The following SGCZ variants were observed in gnomAD, a reference collection of about 807,000 sequenced individuals.
SGCZ encodes zeta-sarcoglycan.
SGCZ carries 40 observed loss-of-function variants against 41.3 expected under a neutral mutation model. The observed-to-expected ratio is 0.97, with a 90% CI of 0.75 to 1.26. The LOEUF is 1.26. Ranked by LOEUF, SGCZ falls within the 50% of genes most tolerant of loss-of-function variation. SGCZ has a pLI of 0.00. For missense variants in SGCZ, 552 were observed against 369.8 expected, an observed-to-expected ratio of 1.49 and a Z score of -4.04; for synonymous variants, 206 against 137.5, an observed-to-expected ratio of 1.50 and a Z score of -3.49.
At chr8:14,392,211 C>G (rs1203853251) in intron 2 of SGCZ, among the ~76,000 whole-genome samples, 1 of 152,122 alleles carries the variant, frequency 6.6e-6, no homozygotes, top group Non-Finnish European at 1.5e-5. Context: ...GTTCTCTTTA[C>G]TCACACTTCA....
At chr8:14,655,186 G>T (rs1807526849) in intron 1 of SGCZ, among the ~76,000 whole-genome samples, 1 of 152,048 alleles carries the variant, frequency 6.6e-6, no homozygotes, top group Non-Finnish European at 1.5e-5. Context: ...ACATGGGTAT[G>T]AACTGTAAGT....
chr8:14,262,262 A>T (rs1338072849), intron 3 of SGCZ, among the ~76,000 whole-genome samples: 1 of 152,164 alleles, frequency 6.6e-6, no homozygotes, highest in Non-Finnish European at 1.5e-5. Context: ...AATGCTACAA[A>T]AGTGATACAC....
chr8:14,313,149 T>TG (rs1440130860), intron 3 of SGCZ, among the ~76,000 whole-genome samples: 17 of 152,318 alleles, frequency 1.1e-4, no homozygotes, highest in African/African-American at 4.1e-4. Context: ...TATGCTAATG[T>TG]CTACTTCCTA....
chr8:14,835,217 T>C (rs557127625), intron 1 of SGCZ, among the ~76,000 whole-genome samples: 4 of 152,202 alleles, frequency 2.6e-5, no homozygotes, highest in Non-Finnish European at 5.9e-5. Context: ...CCCTCAGTGC[T>C]TGAGCATCTA....
At chr8:14,306,763 G>A (rs1801365420) in intron 3 of SGCZ, among the ~76,000 whole-genome samples, 1 of 152,046 alleles carries the variant, frequency 6.6e-6, no homozygotes, top group Non-Finnish European at 1.5e-5. Flanking sequence ...CCTCCTCCCT[G>A]ATCAAATAAA....
chr8:15,209,083 T>A (rs2117154374), intron 1 of SGCZ, among the ~76,000 whole-genome samples: 1 of 140,396 alleles, frequency 7.1e-6, no homozygotes, highest in South Asian at 2.4e-4. Flanking sequence ...TCACAGTCAC[T>A]CATAACTTTG....
chr8:14,321,409 G>A (rs1585360478), intron 3 of SGCZ, among the ~76,000 whole-genome samples: 1 of 152,052 alleles, frequency 6.6e-6, no homozygotes, highest in Non-Finnish European at 1.5e-5. Context: ...AGAGGAGCTT[G>A]TAAAGTTGGC....
chr8:14,308,551 C>T (rs1193736144), intron 3 of SGCZ, among the ~76,000 whole-genome samples: 1 of 151,692 alleles, frequency 6.6e-6, no homozygotes, highest in African/African-American at 2.4e-5. Context: ...CCCCCTTGCC[C>T]CTGGCCTTTA....
intron 4 of SGCZ, among the ~76,000 whole-genome samples, chr8:14,205,310 G>C (rs1221781532): frequency 2.0e-5 from 3 of 152,004 alleles, no homozygotes; most frequent in Non-Finnish European, 4.4e-5. Context: ...ATGTTCTCTA[G>C]GGTTTTTGTG....
intron 1 of SGCZ, among the ~76,000 whole-genome samples, chr8:14,624,034 A>G (rs1478348179): frequency 6.6e-6 from 1 of 152,160 alleles, no homozygotes; most frequent in Non-Finnish European, 1.5e-5. Context: ...AGCAGATAAA[A>G]CACACTTTTA....
At chr8:14,655,196 T>C (rs1014356112) in intron 1 of SGCZ, among the ~76,000 whole-genome samples, 2 of 152,102 alleles carry the variant, frequency 1.3e-5, no homozygotes, top group African/African-American at 4.8e-5. Context: ...GAACTGTAAG[T>C]TATTCTTACT....
At chr8:14,903,740 G>A (rs1233053079) in intron 1 of SGCZ, among the ~76,000 whole-genome samples, 1 of 152,010 alleles carries the variant, frequency 6.6e-6, no homozygotes, top group African/African-American at 2.4e-5. Context: ...GGGACAGTCA[G>A]AGTACATTAT....
intron 1 of SGCZ, among the ~76,000 whole-genome samples, chr8:15,115,086 T>A (rs1004600053): frequency 6.6e-6 from 1 of 151,896 alleles, no homozygotes; most frequent in African/African-American, 2.4e-5. Flanking sequence ...CAGAAAAAAA[T>A]AAAAATATAA....
chr8:14,289,217 G>T (rs1015976496), intron 3 of SGCZ, among the ~76,000 whole-genome samples: 3 of 65,330 alleles, frequency 4.6e-5, no homozygotes, highest in Non-Finnish European at 1.3e-4. Context: ...CACATAGTAG[G>T]ATTTTTTTTT....
chr8:15,192,634 A>C (rs1800580158), intron 1 of SGCZ, among the ~76,000 whole-genome samples: 1 of 152,094 alleles, frequency 6.6e-6, no homozygotes, highest in African/African-American at 2.4e-5. Flanking sequence ...TCAATGCCAA[A>C]CTCATCAACA....
intron 4 of SGCZ, among the ~76,000 whole-genome samples, chr8:14,167,295 TA>T: frequency 6.6e-6 from 1 of 152,288 alleles, no homozygotes; most frequent in South Asian, 2.1e-4. Flanking sequence ...AGGATTCAGT[TA>T]CTTAGAGAAG....
At chr8:14,629,766 A>C (rs1451631816) in intron 1 of SGCZ, among the ~76,000 whole-genome samples, 1 of 152,142 alleles carries the variant, frequency 6.6e-6, no homozygotes, top group Non-Finnish European at 1.5e-5. Context: ...TTATGAGCGT[A>C]ACAATCTGGA....
Position 14,143,864 on chromosome 8 carries a change from G to A in SGCZ, c.547+20716C>T, listed in dbSNP as rs201972638. Reference sequence around the variant, plus strand: ...TGAGGGATAACACGGCAATTGTGAGGCATTGGACTCAGTAGTGTCCTGTTA... The same window carrying A: ...TGAGGGATAACACGGCAATTGTGAGACATTGGACTCAGTAGTGTCCTGTTA... On this transcript the variant is annotated intron_variant, in intron 5 of 7. Coordinates refer to ENST00000382080, the MANE Select transcript of SGCZ (RefSeq NM_139167.4). Among the ~76,000 whole-genome samples the A allele has an allele frequency of 2.6e-5, 4 of 152,282 alleles. No homozygotes were observed. In the East Asian group the frequency reaches 5.8e-4, roughly 22 times the overall value.
At chr8:14,441,928 T>C (rs903124809) in intron 2 of SGCZ, among the ~76,000 whole-genome samples, 5 of 152,236 alleles carry the variant, frequency 3.3e-5, no homozygotes, top group African/African-American at 4.8e-5. Flanking sequence ...TTCTTTACTC[T>C]TGGCTTTTCT....
Sources: allele counts gnomAD v4.1 joint callset (sites outside exome capture counted in the v4.1 genomes callset), GRCh38; gene constraint gnomAD v4.1.1; transcripts MANE v1.5; gene names NCBI Gene and HGNC (gene_info 2026-07-23, HGNC 2026-07-21).